JRK: variants seen among roughly 807,000 people sequenced by gnomAD.
JRK encodes the protein Jrk helix-turn-helix protein, also known as jerky protein homolog.
For synonymous variants in JRK, 303 were observed against 218.1 expected (o/e 1.39, Z -3.43); for missense variants, 720 against 509.2 (o/e 1.41, Z -3.98).
chr8:142,666,009 C>A lies in JRK; in HGVS notation c.50G>T (p.Arg17Met). 1 of 1,442,134 alleles carries A rather than the reference C, an allele frequency of 6.9e-7. No homozygotes were observed. Among genetic ancestry groups the A allele is most frequent in the Non-Finnish European group, 9.8e-7 (1 of 1,023,698 alleles). The allele number at this position is 1,442,134 out of a possible 1,614,324, so 89.3% of individuals were successfully genotyped here. ...CTTCTCCTTCAGTGTCAGCACCACC[C>A]TCTTCCGCTTCTCCCCTCTGCTCTT... is the stretch of plus-strand genomic sequence containing the variant. ...AGKSRGEKRKRVVLTLKEKID... is the reference protein window; with the variant it reads ...AGKSRGEKRKMVVLTLKEKID... Residue 17 changes from arginine (R) to methionine (M), a missense_variant, in exon 2 of 2, where the codon AGG (arginine) becomes ATG (methionine). Physicochemically the swap from Arg to Met is moderately conservative, Grantham distance 91. Transcript: ENST00000612905.
intron 1 of JRK, among the ~76,000 whole-genome samples, chr8:142,668,681 G>A (rs782464116): frequency 1.3e-5 from 2 of 151,552 alleles, no homozygotes; most frequent in Admixed American, 1.3e-4. Context: ...CTGACATGCA[G>A]GTGTAGCAGG....
At position 142,662,745 on chromosome 8, in the gene JRK, G is replaced by C. The variant is rs1461495246; in HGVS notation, c.*1607C>G. ...AAATCCTCTCCTTCATGAGAACAGA[G>C]GTTTCAGTGGAATCAACAGCAGACG... is the stretch of plus-strand genomic sequence containing the variant. On this transcript the variant is annotated 3_prime_UTR_variant, in exon 2 of 2. Coordinates refer to ENST00000612905, the MANE Select transcript of JRK (RefSeq NM_003724.4). 8.1e-6 allele frequency: 8 copies of C among 985,386 alleles called. No individual in the cohort carries two copies. The highest frequency in any genetic ancestry group is 3.5e-5 in the African/African-American group (2 of 57,246). 61.0% of individuals were successfully genotyped at this position (985,386 alleles called of 1,614,324 possible).
At chr8:142,647,126 C>G in the JRK span, among the ~76,000 whole-genome samples, 1 of 152,226 alleles carries the variant, frequency 6.6e-6, no homozygotes, top group Admixed American at 6.5e-5. Flanking sequence ...TGTAAGGAGA[C>G]AACTTTTGTT....
At position 142,665,204 on chromosome 8, in the gene JRK, G is replaced by A. The variant is rs1554635578; in HGVS notation, c.855C>T (p.Thr285=). The A allele has an allele frequency of 5.6e-6, 4 of 717,756 alleles. No individual in the cohort carries two copies. In the Admixed American group the frequency reaches 8.0e-5, roughly 14 times the overall value. 44.5% of individuals were successfully genotyped at this position (717,756 alleles called of 1,614,324 possible). ...CTTTGCTGTCTTCCGGCAAACCTAT[G>A]GTTCTGAAGTGCTCTCTCACCGAGG... ...FVPSVREHFR[T]IGLPEDSKAV... The change falls in exon 2 of 2, where the codon ACC becomes ACT. Residue 285 remains threonine (T), a synonymous_variant. Coordinates refer to ENST00000612905, the MANE Select transcript of JRK (RefSeq NM_003724.4).
Position 142,662,042 on chromosome 8 carries a change from C to G in JRK, c.*2310G>C. On this transcript the variant is annotated 3_prime_UTR_variant, in exon 2 of 2. Transcript: ENST00000612905. ...GCAGGAGGAGCAGGGCCCGAGTCCC[C>G]TGGGTGGCACAAGGGATTCCAGCCA... The G allele has an allele frequency of 1.0e-6, 1 of 985,486 alleles. No homozygotes were observed. Among genetic ancestry groups the G allele is most frequent in the South Asian group, 4.7e-5 (1 of 21,288 alleles). The allele number at this position is 985,486 out of a possible 1,614,324, so 61.0% of individuals were successfully genotyped here.
the JRK span, among the ~76,000 whole-genome samples, chr8:142,647,560 CTT>C: frequency 1.3e-5 from 2 of 152,228 alleles, no homozygotes; most frequent in African/African-American, 4.8e-5. Context: ...AGCTCTCTCT[CTT>C]TGCCTGATGC....
chr8:142,647,259 T>C, the JRK span, among the ~76,000 whole-genome samples: 122 of 152,220 alleles, frequency 8.0e-4, no homozygotes, highest in African/African-American at 2.9e-3. Context: ...TACAGTGCAC[T>C]TAAAATTTTT....
In JRK at chr8:142,657,671, T is replaced by C. The variant is rs1436673377; in HGVS notation, c.*6681A>G. ...AACAAACAGTTCTCACAGAAACTAA[T>C]CAAGTGAGAACTCACTTGTTACCAC... On this transcript the variant is annotated 3_prime_UTR_variant, in exon 2 of 2. Transcript: ENST00000612905. The C allele has an allele frequency of 1.3e-5, 2 of 152,198 alleles. No homozygotes were observed. The highest frequency in any genetic ancestry group is 2.9e-5 in the Non-Finnish European group (2 of 68,062). The allele number at this position is 152,198 out of a possible 1,614,324, so 9.4% of individuals were successfully genotyped here.
chr8:142,665,244 T>G lies in JRK; in HGVS notation c.815A>C (p.His272Pro). 1 of 717,912 alleles carries G rather than the reference T, an allele frequency of 1.4e-6. No individual in the cohort carries two copies. The highest frequency in any genetic ancestry group is 1.7e-5 in the African/African-American group (1 of 57,382). The allele number at this position is 717,912 out of a possible 1,614,324, so 44.5% of individuals were successfully genotyped here. A position where few individuals can be genotyped will look rare whatever the true frequency, so the allele number is the denominator to read the frequency against. ...TCTCACCGAGGGCACAAAGATATGA[T>G]GGAACCAATCGGAAAAAATCTCCTT... Reference protein sequence around the residue: ...VDKEIFSDWFHHIFVPSVREH... With the variant: ...VDKEIFSDWFPHIFVPSVREH... The change falls in exon 2 of 2, where the codon CAT (histidine) becomes CCT (proline). Residue 272 changes from histidine (H) to proline (P), a missense_variant. His to Pro is a moderately conservative substitution (Grantham distance 77). Coordinates refer to ENST00000612905, the MANE Select transcript of JRK (RefSeq NM_003724.4).
intron 1 of JRK, among the ~76,000 whole-genome samples, chr8:142,667,623 C>T (rs927889586): frequency 6.6e-6 from 1 of 152,290 alleles, no homozygotes; most frequent in Non-Finnish European, 1.5e-5. Context: ...AACCTGATAG[C>T]CCCCTGGGAG....
At chr8:142,650,137 G>T in the JRK span, among the ~76,000 whole-genome samples, 1 of 152,268 alleles carries the variant, frequency 6.6e-6, no homozygotes, top group African/African-American at 2.4e-5. Context: ...CATGGGGCCT[G>T]TGGCCCCTTT....
At position 142,662,586 on chromosome 8, in the gene JRK, T is replaced by C; in HGVS notation, c.*1766A>G. 2 of 985,378 alleles carry C rather than the reference T, an allele frequency of 2.0e-6. No individual in the cohort carries two copies. Among genetic ancestry groups the C allele is most frequent in the Non-Finnish European group, 2.4e-6 (2 of 829,924 alleles). 61.0% of individuals were successfully genotyped at this position (985,378 alleles called of 1,614,324 possible). A position where few individuals can be genotyped will look rare whatever the true frequency, so the allele number is the denominator to read the frequency against. On this transcript the variant is annotated 3_prime_UTR_variant, in exon 2 of 2. Coordinates refer to ENST00000612905, the MANE Select transcript of JRK (RefSeq NM_003724.4). ...AGCACCGAGATCTTTAAAAACTATT[T>C]GGCTTTTATAATCTTCACACATGCA...
the JRK span, among the ~76,000 whole-genome samples, chr8:142,652,367 A>G: frequency 6.6e-6 from 1 of 152,172 alleles, no homozygotes; most frequent in Non-Finnish European, 1.5e-5. Flanking sequence ...GGTTTTCTAC[A>G]TTTTAGGGAG....
chr8:142,665,760 T>A lies in JRK; in HGVS notation c.299A>T (p.Lys100Met). Residue 100 changes from lysine to methionine, a missense_variant, in exon 2 of 2, where the codon AAG (lysine) becomes ATG (methionine). By Grantham distance (95) the Lys-to-Met change is moderately conservative (BLOSUM62 -1). Transcript: ENST00000612905. ...TGACACGGGGACGCCCTCGGAGCGCTTCCCCAGGAACCACTCGTACAGGAC... is the reference window on the plus strand; with the variant it reads ...TGACACGGGGACGCCCTCGGAGCGCATCCCCAGGAACCACTCGTACAGGAC... The part of the protein sequence containing the change: ...DRVLYEWFLG[K>M]RSEGVPVSGP... The A allele has an allele frequency of 3.9e-6, 3 of 776,436 alleles. No homozygotes were observed. The East Asian group carries it at 7.3e-5, about 19-fold the overall frequency. The allele number at this position is 776,436 out of a possible 1,614,324, so 48.1% of individuals were successfully genotyped here.
At chr8:142,651,098 G>A in the JRK span, among the ~76,000 whole-genome samples, 1 of 151,792 alleles carries the variant, frequency 6.6e-6, no homozygotes, top group South Asian at 2.1e-4. Context: ...AGTAAATGAA[G>A]AAACTAGAAT....
downstream of JRK, among the ~76,000 whole-genome samples, chr8:142,653,853 T>G (rs1243999491): frequency 6.6e-6 from 1 of 152,162 alleles, no homozygotes; most frequent in Non-Finnish European, 1.5e-5. Context: ...CAAACTGTCC[T>G]TGAAAAATTC....
chr8:142,667,195 A>C (rs1483409478), intron 1 of JRK, among the ~76,000 whole-genome samples: 1 of 94,618 alleles, frequency 1.1e-5, no homozygotes, highest in Non-Finnish European at 2.8e-5. Flanking sequence ...TCACCCTCTG[A>C]CCTCCCTGAC....
chr8:142,663,698 G>C lies in JRK; in HGVS notation c.*654C>G, dbSNP rs1554634947. The C allele has an allele frequency of 1.0e-6, 1 of 985,382 alleles. No homozygotes were observed. Among genetic ancestry groups the C allele is most frequent in the Admixed American group, 6.1e-5 (1 of 16,276 alleles). 61.0% of individuals were successfully genotyped at this position (985,382 alleles called of 1,614,324 possible). A position where few individuals can be genotyped will look rare whatever the true frequency, so the allele number is the denominator to read the frequency against. On this transcript the variant is annotated 3_prime_UTR_variant, in exon 2 of 2. Coordinates refer to ENST00000612905, the MANE Select transcript of JRK (RefSeq NM_003724.4). The stretch of plus-strand genomic sequence containing the variant: ...GGGGCCCCCCAACATCTTGGGGCCA[G>C]AGCCCATGGGACAGGATCTGCGGGT...
chr8:142,669,197 T>TGTGTGTGTGTGTGTGC, intron 1 of JRK, among the ~76,000 whole-genome samples: 1 of 56,830 alleles, frequency 1.8e-5, no homozygotes, highest in East Asian at 6.5e-4. Context: ...TGTGTGTGTG[T>TGTGTGTGTGTGTGTGC]GTGCGTGTGT....
Sources: gnomAD v4.1 joint callset for allele counts (sites outside exome capture counted in the v4.1 genomes callset) on GRCh38, gnomAD v4.1.1 for gene constraint, MANE v1.5 for transcripts, NCBI Gene and HGNC (gene_info 2026-07-23, HGNC 2026-07-21) for gene names.